Variants in AGAP1 observed in about 807,000 individuals in gnomAD.
The protein encoded by AGAP1 is arf-GAP with GTPase, ANK repeat and PH domain-containing protein 1.
A neutral mutation model predicts 105.3 loss-of-function variants in AGAP1; 29 were observed. The observed-to-expected ratio is 0.28, with a 90% CI of 0.21 to 0.38. AGAP1 has a LOEUF of 0.38. AGAP1 is among the 10% of genes least tolerant of loss of function. AGAP1 has a pLI of 1.00. For synonymous variants in AGAP1, 509 were observed against 485.9 expected, an observed-to-expected ratio of 1.05 and a Z score of -0.63; for missense variants, 998 against 1,165.1, an observed-to-expected ratio of 0.86 and a Z score of 2.09.
chr2:235,736,164 C>T lies in AGAP1; in HGVS notation c.311-4799C>T, dbSNP rs1468391710. Reference sequence around the variant, plus strand: ...GTTCCACCTTAGGGTCAGGCAGCTGCGACCGATCTGTCTGGTTCCTCACCC... The same window carrying T: ...GTTCCACCTTAGGGTCAGGCAGCTGTGACCGATCTGTCTGGTTCCTCACCC... On this transcript the variant is annotated intron_variant, in intron 3 of 17. Transcript: ENST00000304032. The surrounding 1 kb of genome is among the most constrained non-coding windows in gnomAD (Gnocchi z 5.5). Among the ~76,000 whole-genome samples, 3 of 151,640 alleles carry T rather than the reference C, an allele frequency of 2.0e-5. No individual in the cohort carries two copies. The highest frequency in any genetic ancestry group is 4.4e-5 in the Non-Finnish European group (3 of 67,982).
chr2:236,093,318 G>A (rs995669855), intron 16 of AGAP1, among the ~76,000 whole-genome samples: 2 of 152,184 alleles, frequency 1.3e-5, no homozygotes, highest in Non-Finnish European at 2.9e-5. Context: ...GGATCACTTG[G>A]TCATTGTAAA....
At chr2:235,815,387 T>G (rs1386968799) in intron 9 of AGAP1, among the ~76,000 whole-genome samples, 1 of 152,206 alleles carries the variant, frequency 6.6e-6, no homozygotes, top group Admixed American at 6.5e-5. Context: ...TGGTGTCTCT[T>G]TTTCTTATAA....
rs909088422 is a variant in AGAP1 at position 235,792,185 on chromosome 2, A to C, written c.674-5574A>C. 6.6e-6 allele frequency among the ~76,000 whole-genome samples: 1 copy of C among 152,082 alleles called. No individual in the cohort carries two copies. Among genetic ancestry groups the C allele is most frequent in the Admixed American group, 6.5e-5 (1 of 15,276 alleles). On this transcript the variant is annotated intron_variant, in intron 6 of 17. Transcript: ENST00000304032. The surrounding 1 kb of genome is among the most constrained non-coding windows in gnomAD (Gnocchi z 5.3). ...CTTCCCAAACGTGGGCTTGATTTAC[A>C]CCGAGTCATTAGTTGTCATCTAATG...
In AGAP1 at chr2:235,891,700, C is replaced by T. The variant is rs564538564; in HGVS notation, c.1155+8251C>T. 2.0e-5 allele frequency among the ~76,000 whole-genome samples: 3 copies of T among 152,282 alleles called. No individual in the cohort carries two copies. Among genetic ancestry groups the T allele is most frequent in the Non-Finnish European group, 2.9e-5 (2 of 68,014 alleles). ...TGGAAGGATGAGCTGAGTGGCCTCA[C>T]GGTCAAGCCAAGGACTTCAAGGTGC... On this transcript the variant is annotated intron_variant, in intron 10 of 17. Coordinates refer to ENST00000304032, the MANE Select transcript of AGAP1 (RefSeq NM_001037131.3). This position sits in a 1 kb window ranked among gnomAD's most constrained non-coding sequence, Gnocchi z 4.2.
chr2:235,907,120 T>C (rs1470433555), intron 10 of AGAP1, among the ~76,000 whole-genome samples: 1 of 152,206 alleles, frequency 6.6e-6, no homozygotes, highest in African/African-American at 2.4e-5. Context: ...AGCAGCTTCC[T>C]CAATACACTT....
Position 236,120,492 on chromosome 2 carries a change from A to C in AGAP1, c.2370+45A>C. ...GGCAGAGGACGGGGCCACAGGAGGC[A>C]CTCTCTGCTTTGTTCTGCTTCCGTG... On this transcript the variant is annotated intron_variant, in intron 17 of 17. Coordinates refer to ENST00000304032, the MANE Select transcript of AGAP1 (RefSeq NM_001037131.3). This position sits in a 1 kb window ranked among gnomAD's most constrained non-coding sequence, Gnocchi z 6.0. 1 of 1,607,102 alleles carries C rather than the reference A, an allele frequency of 6.2e-7. No homozygotes were observed. The highest frequency in any genetic ancestry group is 8.5e-7 in the Non-Finnish European group (1 of 1,177,896).
rs745365246 is a variant in AGAP1 at position 235,512,608 on chromosome 2, TC to T, written c.163+17760del. On this transcript the variant is annotated intron_variant, in intron 1 of 17. Transcript: ENST00000304032. ...GACCCTATCATTAAAAATCAGTCAA[TC>T]AATCAATCAGTCAATCCATGCGCGT... Among the ~76,000 whole-genome samples the T allele has an allele frequency of 2.4e-4, 37 of 152,096 alleles. 1 individual carries two copies. In the Middle Eastern group the frequency reaches 0.027, roughly 112 times the overall value.
intron 1 of AGAP1, among the ~76,000 whole-genome samples, chr2:235,590,665 A>ATGTGTGTGTG (rs147286191): frequency 3.6e-4 from 46 of 127,462 alleles, no homozygotes; most frequent in Middle Eastern, 3.9e-3. Context: ...TTTTGTTTTA[A>ATGTGTGTGTG]TGTGTGTGTG....
intron 1 of AGAP1, among the ~76,000 whole-genome samples, chr2:235,708,278 C>G (rs1449486170): frequency 6.6e-6 from 1 of 152,194 alleles, no homozygotes; most frequent in Non-Finnish European, 1.5e-5. Flanking sequence ...TCCCTCTGGT[C>G]CAGCCCACTC....
intron 3 of AGAP1, among the ~76,000 whole-genome samples, chr2:235,727,979 G>A (rs1050804239): frequency 1.1e-4 from 17 of 152,286 alleles, no homozygotes; most frequent in Middle Eastern, 3.4e-3. Context: ...CAGAGCACAC[G>A]TTCCACTCAG....
At chr2:236,037,204 T>C (rs2057408464) in intron 14 of AGAP1, 1 of 156,488 alleles carries the variant, frequency 6.4e-6, no homozygotes, top group African/African-American at 2.4e-5. Flanking sequence ...GTTTCTATTA[T>C]CTAAACTGAT....
chr2:235,699,077 C>T (rs879878070), intron 1 of AGAP1, among the ~76,000 whole-genome samples: 10 of 151,396 alleles, frequency 6.6e-5, no homozygotes, highest in Admixed American at 5.3e-4. Context: ...CATCCCCCCC[C>T]CCCACCCCAC....
Position 236,087,368 on chromosome 2 carries a change from G to A in AGAP1, c.2115-32824G>A, listed in dbSNP as rs1474415365. On this transcript the variant is annotated intron_variant, in intron 16 of 17. Transcript: ENST00000304032. This position sits in a 1 kb window ranked among gnomAD's most constrained non-coding sequence, Gnocchi z 5.7. Reference sequence around the variant, plus strand: ...GTTCATTGAAAGAGTCCAGGTCCCCGACAGCCCTGCTCCAAGGACAGACAA... The same window carrying A: ...GTTCATTGAAAGAGTCCAGGTCCCCAACAGCCCTGCTCCAAGGACAGACAA... 2.0e-5 allele frequency among the ~76,000 whole-genome samples: 3 copies of A among 152,124 alleles called. No homozygotes were observed. The highest frequency in any genetic ancestry group is 7.2e-5 in the African/African-American group (3 of 41,432).
In AGAP1 at chr2:235,589,632, C is replaced by G. The variant is rs183962922; in HGVS notation, c.163+94783C>G. ...GTGGCTTGTCCTCTTTGGGAAGGCT[C>G]TCTTTGCATTTTAAAATTATTCTGG... On this transcript the variant is annotated intron_variant, in intron 1 of 17. Coordinates refer to ENST00000304032, the MANE Select transcript of AGAP1 (RefSeq NM_001037131.3). 1.8e-4 allele frequency among the ~76,000 whole-genome samples: 27 copies of G among 152,236 alleles called. 1 individual carries two copies. Among genetic ancestry groups the G allele is most frequent in the Admixed American group, 1.5e-3 (23 of 15,282 alleles).
At chr2:235,978,932 C>G (rs953158494) in intron 13 of AGAP1, among the ~76,000 whole-genome samples, 6 of 152,146 alleles carry the variant, frequency 3.9e-5, no homozygotes, top group South Asian at 4.1e-4. Flanking sequence ...ATGCAAATCA[C>G]TGCTTCAGCT....
At chr2:236,066,559 G>A (rs2058351044) in intron 16 of AGAP1, among the ~76,000 whole-genome samples, 1 of 152,170 alleles carries the variant, frequency 6.6e-6, no homozygotes, top group Non-Finnish European at 1.5e-5. Context: ...TCATTCTTAA[G>A]GTCCCAGTAT....
rs570087824 is a variant in AGAP1 at position 236,082,813 on chromosome 2, G to A, written c.2114+33532G>A. On this transcript the variant is annotated intron_variant, in intron 16 of 17. Transcript: ENST00000304032. This position sits in a 1 kb window ranked among gnomAD's most constrained non-coding sequence, Gnocchi z 4.2. ...TGCTTGAAACCTGGAGGTGGAGGTT[G>A]CAGTGAGCCGAGATTGCACCCATTG... is the stretch of plus-strand genomic sequence containing the variant. Among the ~76,000 whole-genome samples, 5 of 152,148 alleles carry A rather than the reference G, an allele frequency of 3.3e-5. 1 individual carries two copies. The South Asian group carries it at 1.0e-3, about 31-fold the overall frequency.
At position 235,739,900 on chromosome 2, in the gene AGAP1, G is replaced by T. The variant is rs1037118569; in HGVS notation, c.311-1063G>T. Among the ~76,000 whole-genome samples, 7 of 152,246 alleles carry T rather than the reference G, an allele frequency of 4.6e-5. No homozygotes were observed. Among genetic ancestry groups the T allele is most frequent in the Non-Finnish European group, 7.3e-5 (5 of 68,044 alleles). ...GTCGCTCTGGGCGGCAGTGGAGCTG[G>T]CAGGCAGCCTCTGGGCTCTGGCAGC... is the stretch of plus-strand genomic sequence containing the variant. On this transcript the variant is annotated intron_variant, in intron 3 of 17. Transcript: ENST00000304032. This position sits in a 1 kb window ranked among gnomAD's most constrained non-coding sequence, Gnocchi z 5.3.
chr2:236,116,069 G>A (rs1199293290), intron 16 of AGAP1, among the ~76,000 whole-genome samples: 1 of 151,936 alleles, frequency 6.6e-6, no homozygotes, highest in Non-Finnish European at 1.5e-5. Context: ...GCCTCCCGGA[G>A]TGTGAGGATT....
Sources: allele counts gnomAD v4.1 joint callset (sites outside exome capture counted in the v4.1 genomes callset), GRCh38; gene constraint gnomAD v4.1.1; non-coding constraint Gnocchi (gnomAD v3.1); transcripts MANE v1.5; gene names NCBI Gene and HGNC (gene_info 2026-07-23, HGNC 2026-07-21).